The following ATG10 variants were observed in gnomAD, a reference collection of about 807,000 sequenced individuals.
ATG10 encodes the protein ubiquitin-like-conjugating enzyme ATG10.
In ATG10, 30 loss-of-function variants were observed where a neutral mutation model predicts 32.1. The ratio of observed to expected loss-of-function variants is 0.94; its 90% CI spans 0.70 to 1.27. ATG10 has a LOEUF of 1.27. ATG10 is among the 50% of genes most tolerant of loss of function. The pLI is 0.00. For missense variants in ATG10, 233 were observed against 262.3 expected, an observed-to-expected ratio of 0.89 and a Z score of 0.77; for synonymous variants, 87 against 91.5, an observed-to-expected ratio of 0.95 and a Z score of 0.28.
intron 5 of ATG10, among the ~76,000 whole-genome samples, chr5:82,197,720 T>TTCTATCTA (rs10586711): frequency 0.039 from 5,593 of 143,886 alleles, 116 homozygotes; most frequent in Non-Finnish European, 0.044. Context: ...CTTTCTTTCT[T>TTCTATCTA]TCTATCTATC....
chr5:82,022,647 T>A (rs1439440065), intron 2 of ATG10, among the ~76,000 whole-genome samples: 1 of 150,474 alleles, frequency 6.6e-6, no homozygotes, highest in East Asian at 2.0e-4. Context: ...TTTTTTTTTT[T>A]AAAGAGGAAA....
Position 82,245,240 on chromosome 5 carries a change from A to G in ATG10, c.454-7322A>G, listed in dbSNP as rs6862815. On this transcript the variant is annotated intron_variant, in intron 5 of 7. Transcript: ENST00000282185. The stretch of plus-strand genomic sequence containing the variant: ...CCTAAACCAACTAATGACTGCTTTC[A>G]TCTTTGATTCTGGCTGTCTGAAGGA... Among the ~76,000 whole-genome samples the G allele has an allele frequency of 3.5e-3, 534 of 152,366 alleles. 6 individuals carry two copies. The highest frequency in any genetic ancestry group is 0.012 in the African/African-American group (512 of 41,596).
intron 5 of ATG10, among the ~76,000 whole-genome samples, chr5:82,198,323 T>C (rs1355653156): frequency 2.6e-5 from 4 of 152,206 alleles, no homozygotes; most frequent in African/African-American, 9.6e-5. Context: ...GACAGGATCG[T>C]GGCTCACTGA....
chr5:82,081,241 G>A (rs1194635783), intron 3 of ATG10, among the ~76,000 whole-genome samples: 2 of 152,214 alleles, frequency 1.3e-5, no homozygotes, highest in African/African-American at 4.8e-5. Flanking sequence ...TTGCTTATCA[G>A]CTTAAGGAGA....
chr5:82,166,210 C>T (rs1047956235), intron 4 of ATG10, among the ~76,000 whole-genome samples: 2 of 152,086 alleles, frequency 1.3e-5, no homozygotes, highest in African/African-American at 4.8e-5. Context: ...ATTTTCTATT[C>T]TTTTAAAAAA....
chr5:82,171,793 T>A (rs1743818908), intron 4 of ATG10, among the ~76,000 whole-genome samples: 1 of 152,250 alleles, frequency 6.6e-6, no homozygotes, highest in Non-Finnish European at 1.5e-5. Flanking sequence ...ATGTGCTAAT[T>A]ACTCTAGAAA....
intron 5 of ATG10, among the ~76,000 whole-genome samples, chr5:82,184,755 T>C (rs1214667428): frequency 2.0e-5 from 3 of 152,238 alleles, no homozygotes; most frequent in Non-Finnish European, 4.4e-5. Flanking sequence ...TTATTTTATT[T>C]TTTAAAAAGC....
chr5:82,172,523 A>G (rs979346471), intron 4 of ATG10, among the ~76,000 whole-genome samples: 3 of 152,162 alleles, frequency 2.0e-5, no homozygotes, highest in Non-Finnish European at 4.4e-5. Context: ...ATATATCTAG[A>G]TCTTCACAAT....
intron 3 of ATG10, among the ~76,000 whole-genome samples, chr5:82,120,303 A>G (rs1765995661): frequency 6.6e-6 from 1 of 152,158 alleles, no homozygotes; most frequent in Non-Finnish European, 1.5e-5. Flanking sequence ...TCCCTGGCCC[A>G]TTGATAGTCA....
chr5:82,207,327 T>C (rs746741853), intron 5 of ATG10, among the ~76,000 whole-genome samples: 6 of 152,248 alleles, frequency 3.9e-5, no homozygotes, highest in Non-Finnish European at 5.9e-5. Flanking sequence ...CTGTTTGATA[T>C]TGTCAGTCTT....
chr5:82,136,493 T>TAA (rs1238240949), intron 3 of ATG10, among the ~76,000 whole-genome samples: 9 of 152,196 alleles, frequency 5.9e-5, no homozygotes, highest in Non-Finnish European at 1.2e-4. Context: ...GAAGCTTAGT[T>TAA]TGGCTGGATA....
chr5:82,229,053 A>G (rs184328333), intron 5 of ATG10, among the ~76,000 whole-genome samples: 1 of 152,326 alleles, frequency 6.6e-6, no homozygotes, highest in Non-Finnish European at 1.5e-5. Flanking sequence ...GTGTATAAAA[A>G]ACACATGTAC....
At chr5:82,102,284 A>G (rs184905843) in intron 3 of ATG10, among the ~76,000 whole-genome samples, 1 of 152,026 alleles carries the variant, frequency 6.6e-6, no homozygotes, top group East Asian at 1.9e-4. Flanking sequence ...TGTGGTATGT[A>G]TTTTGGATTT....
chr5:82,253,492 A>AGTC, intron 7 of ATG10, 63 bp downstream of exon 7: 1 of 1,127,620 alleles, frequency 8.9e-7, no homozygotes, highest in Non-Finnish European at 1.3e-6. Context: ...CATTGCATTT[A>AGTC]GACTCATCCC....
At chr5:82,198,865 G>T (rs1042641800) in intron 5 of ATG10, among the ~76,000 whole-genome samples, 14 of 152,172 alleles carry the variant, frequency 9.2e-5, no homozygotes, top group African/African-American at 3.1e-4. Context: ...TGTTTAGTAT[G>T]ATCATTTACC....
intron 3 of ATG10, chr5:82,111,598 C>T (rs143522111): frequency 6.8e-4 from 103 of 151,854 alleles, no homozygotes; most frequent in Middle Eastern, 6.8e-3. Flanking sequence ...ATGTTGTAAA[C>T]ATAAGAAAAT....
chr5:81,995,126 A>ATG (rs148857001), intron 2 of ATG10, among the ~76,000 whole-genome samples: 4,470 of 149,736 alleles, frequency 0.03, 70 homozygotes, highest in African/African-American at 0.046. Flanking sequence ...ATGTGTGTGT[A>ATG]TGTGTGTGTG....
intron 5 of ATG10, among the ~76,000 whole-genome samples, chr5:82,227,172 C>G (rs1043036944): frequency 2.6e-5 from 4 of 151,910 alleles, no homozygotes; most frequent in African/African-American, 4.8e-5. Context: ...GAGAAGGCAC[C>G]TGTGGTTGAG....
At chr5:81,993,360 C>CTTTCTTTCCTTCCTTCT in intron 2 of ATG10, among the ~76,000 whole-genome samples, 4 of 46,772 alleles carry the variant, frequency 8.6e-5, no homozygotes, top group African/African-American at 2.7e-4. Flanking sequence ...TCTTTCTTTC[C>CTTTCTTTCCTTCCTTCT]TTCTTTTCTT....
Sources: gnomAD v4.1 joint callset for allele counts (sites outside exome capture counted in the v4.1 genomes callset) on GRCh38, gnomAD v4.1.1 for gene constraint, MANE v1.5 for transcripts, NCBI Gene and HGNC (gene_info 2026-07-23, HGNC 2026-07-21) for gene names.